TBC1D5: variants seen among roughly 807,000 people sequenced by gnomAD.
The protein encoded by TBC1D5 is TBC1 domain family, member 5.
A neutral mutation model predicts 100.3 loss-of-function variants in TBC1D5; 75 were observed. That is an observed-to-expected ratio of 0.75 (90% CI 0.62 to 0.91). TBC1D5 has a LOEUF of 0.91. Among genes scored for constraint, TBC1D5 ranks in the 40% least tolerant of loss-of-function variants. TBC1D5 has a pLI of 0.00. For synonymous variants in TBC1D5, 323 were observed against 325.6 expected, an observed-to-expected ratio of 0.99 and a Z score of 0.09; for missense variants, 910 against 942.4, an observed-to-expected ratio of 0.97 and a Z score of 0.45.
chr3:17,603,756 C>G (rs1342639756), intron 2 of TBC1D5, among the ~76,000 whole-genome samples: 2 of 151,998 alleles, frequency 1.3e-5, no homozygotes, highest in African/African-American at 4.8e-5. Context: ...ACCTCTGGCT[C>G]TCTGCCTCAA....
In TBC1D5 at chr3:17,371,967, G is replaced by A. The variant is rs754296177; in HGVS notation, c.995+108C>T. 1.0e-5 allele frequency: 11 copies of A among 1,060,262 alleles called. No homozygotes were observed. In the Admixed American group the frequency reaches 1.5e-4, roughly 14 times the overall value. 65.7% of individuals were successfully genotyped at this position (1,060,262 alleles called of 1,614,324 possible). On this transcript the variant is annotated intron_variant, in intron 13 of 21. Coordinates refer to ENST00000253692, the Ensembl canonical transcript of TBC1D5. ...TGGGAGGATCGCTTGAGCCCAGGGG[G>A]CAGAGTTTGCAGTAAGCCAAGATCA...
chr3:17,696,394 G>T (rs1386699393), intron 1 of TBC1D5, among the ~76,000 whole-genome samples: 2 of 152,034 alleles, frequency 1.3e-5, no homozygotes, highest in African/African-American at 2.4e-5. Context: ...TCAAATAGAT[G>T]CAATAAAAAA....
chr3:17,563,294 T>A (rs917201292), intron 2 of TBC1D5, among the ~76,000 whole-genome samples: 1 of 151,968 alleles, frequency 6.6e-6, no homozygotes, highest in African/African-American at 2.4e-5. Context: ...GGCCTGGAGG[T>A]CATAACAATA....
intron 3 of TBC1D5, among the ~76,000 whole-genome samples, chr3:17,461,541 C>T (rs748159381): frequency 4.6e-5 from 7 of 152,184 alleles, no homozygotes; most frequent in Non-Finnish European, 1.0e-4. Context: ...TAAAAAATAA[C>T]CATCAGAATA....
chr3:17,282,219 A>T (rs372633908), intron 15 of TBC1D5, among the ~76,000 whole-genome samples: 1 of 152,220 alleles, frequency 6.6e-6, no homozygotes, highest in East Asian at 1.9e-4. Context: ...TCGGCGGTAA[A>T]GGAGGGCAGC....
At chr3:17,177,917 G>C (rs777101964) in intron 19 of TBC1D5, among the ~76,000 whole-genome samples, 5 of 152,016 alleles carry the variant, frequency 3.3e-5, no homozygotes, top group Non-Finnish European at 7.4e-5. Context: ...ATCTCCATGA[G>C]TTCAATTGTT....
At chr3:17,392,957 T>C (rs930233737) in intron 8 of TBC1D5, among the ~76,000 whole-genome samples, 6 of 152,154 alleles carry the variant, frequency 3.9e-5, no homozygotes, top group Non-Finnish European at 7.4e-5. Context: ...TCCACAGTGG[T>C]TGAACTAATT....
intron 1 of TBC1D5, among the ~76,000 whole-genome samples, chr3:17,689,130 G>GA (rs750287201): frequency 2.6e-5 from 4 of 151,966 alleles, no homozygotes; most frequent in Non-Finnish European, 5.9e-5. Flanking sequence ...AAAAGAAATG[G>GA]AAAAACAAAG....
At chr3:17,732,214 A>C (rs2076619855) in intron 1 of TBC1D5, among the ~76,000 whole-genome samples, 1 of 152,112 alleles carries the variant, frequency 6.6e-6, no homozygotes, top group Non-Finnish European at 1.5e-5. Flanking sequence ...GCTACCCAGG[A>C]GGCTGAGGCA....
intron 13 of TBC1D5, among the ~76,000 whole-genome samples, chr3:17,339,810 AAG>A (rs2088573775): frequency 6.6e-6 from 1 of 152,212 alleles, no homozygotes; most frequent in Admixed American, 6.5e-5. Context: ...TTTAAGGAAA[AAG>A]AGAAGTAAAG....
Position 17,341,601 on chromosome 3 carries a change from T to C in TBC1D5, c.995+30474A>G, listed in dbSNP as rs190826839. Among the ~76,000 whole-genome samples, 182 of 152,132 alleles carry C rather than the reference T, an allele frequency of 1.2e-3. 1 individual carries two copies. The highest frequency in any genetic ancestry group is 4.0e-3 in the African/African-American group (166 of 41,508). On this transcript the variant is annotated intron_variant, in intron 13 of 21. Transcript: ENST00000253692. Reference sequence around the variant, plus strand: ...AGGTCACACAGAGTAAGGAGTAGAGTTGGGATTCAATTCTTGGGAGGCTGA... The same window carrying C: ...AGGTCACACAGAGTAAGGAGTAGAGCTGGGATTCAATTCTTGGGAGGCTGA...
intron 1 of TBC1D5, among the ~76,000 whole-genome samples, chr3:17,706,628 G>T (rs1017581748): frequency 6.6e-6 from 1 of 151,714 alleles, no homozygotes; most frequent in Admixed American, 6.6e-5. Flanking sequence ...AAAATCAACC[G>T]GAGATAATGC....
Position 17,680,507 on chromosome 3 carries a change from G to A in TBC1D5, c.-100-56594C>T, listed in dbSNP as rs901692939. 2.2e-4 allele frequency among the ~76,000 whole-genome samples: 34 copies of A among 151,298 alleles called. 2 individuals are homozygous for A. The highest frequency in any genetic ancestry group is 1.0e-3 in the South Asian group (5 of 4,828). On this transcript the variant is annotated intron_variant, in intron 1 of 21. Transcript: ENST00000253692. ...CTCCCAGAGTGCTGGGACTACAGAC[G>A]TGAGCTACAGTGCCTGGCTATTCAC... is the stretch of plus-strand genomic sequence containing the variant.
At chr3:17,664,430 C>T (rs1577321723) in intron 1 of TBC1D5, among the ~76,000 whole-genome samples, 1 of 152,182 alleles carries the variant, frequency 6.6e-6, no homozygotes, top group Non-Finnish European at 1.5e-5. Flanking sequence ...ATTCTTAAAA[C>T]AGATCTCGAT....
chr3:17,279,089 G>C (rs1400979635), intron 15 of TBC1D5, among the ~76,000 whole-genome samples: 1 of 152,182 alleles, frequency 6.6e-6, no homozygotes, highest in African/African-American at 2.4e-5. Context: ...AATTGCTTAT[G>C]TTTTCAAAAT....
intron 13 of TBC1D5, among the ~76,000 whole-genome samples, chr3:17,366,406 T>G (rs1005142006): frequency 2.0e-5 from 3 of 152,156 alleles, no homozygotes; most frequent in African/African-American, 7.2e-5. Flanking sequence ...TATGAGTCAT[T>G]ATTTCAAATA....
At chr3:17,370,610 AG>A (rs2092402835) in intron 13 of TBC1D5, among the ~76,000 whole-genome samples, 1 of 152,200 alleles carries the variant, frequency 6.6e-6, no homozygotes, top group Non-Finnish European at 1.5e-5. Context: ...AGTAAGAAAA[AG>A]GAAAACATGC....
intron 3 of TBC1D5, among the ~76,000 whole-genome samples, chr3:17,445,336 G>A (rs1329731158): frequency 5.3e-5 from 8 of 151,340 alleles, no homozygotes; most frequent in East Asian, 3.9e-4. Context: ...TAAAGAGGAC[G>A]GTCTTTAGTG....
intron 13 of TBC1D5, among the ~76,000 whole-genome samples, chr3:17,369,429 C>T (rs2092350108): frequency 6.6e-6 from 1 of 152,114 alleles, no homozygotes; most frequent in South Asian, 2.1e-4. Context: ...TTCTCACAGG[C>T]ACCCTATGAA....
Sources: allele counts gnomAD v4.1 joint callset (sites outside exome capture counted in the v4.1 genomes callset), GRCh38; gene constraint gnomAD v4.1.1; transcripts MANE v1.5; gene names NCBI Gene and HGNC (gene_info 2026-07-23, HGNC 2026-07-21).